SEMA6A: variants seen among roughly 807,000 people sequenced by gnomAD.
SEMA6A encodes semaphorin 6A, also known as semaphorin-6A.
Under a neutral mutation model 96.8 loss-of-function variants are expected in SEMA6A, and 25 were observed. The ratio of observed to expected loss-of-function variants is 0.26; its 90% confidence interval spans 0.19 to 0.36. The LOEUF is 0.36. SEMA6A is among the 10% of genes least tolerant of loss of function. The pLI is 1.00. For synonymous variants in SEMA6A, 612 were observed against 518.0 expected (o/e 1.18, Z -2.46); for missense variants, 1,363 against 1,323.1 (o/e 1.03, Z -0.47).
chr5:116,539,090 ATTC>A (rs1299671152), intron 1 of SEMA6A, among the ~76,000 whole-genome samples: 18 of 152,272 alleles, frequency 1.2e-4, no homozygotes, highest in African/African-American at 4.1e-4. Flanking sequence ...TCTACACCCT[ATTC>A]TTCTTATCTA....
At chr5:116,509,573 T>C (rs1223637109) in intron 1 of SEMA6A, among the ~76,000 whole-genome samples, 1 of 150,626 alleles carries the variant, frequency 6.6e-6, no homozygotes, top group Non-Finnish European at 1.5e-5. Flanking sequence ...TCTAAGGGAT[T>C]CTGCCCCAGT....
intron 11 of SEMA6A, among the ~76,000 whole-genome samples, chr5:116,480,889 T>C (rs1756726952): frequency 6.6e-6 from 1 of 152,206 alleles, no homozygotes; most frequent in Non-Finnish European, 1.5e-5. Flanking sequence ...TTTCTTGTCA[T>C]TGAATGACGA....
At chr5:116,555,116 C>T (rs1290464515) in intron 1 of SEMA6A, among the ~76,000 whole-genome samples, 6 of 152,170 alleles carry the variant, frequency 3.9e-5, no homozygotes, top group Non-Finnish European at 8.8e-5. Context: ...TCCAGAGACA[C>T]CCAGTCTCCA....
chr5:116,518,201 C>A (rs1758756422), intron 1 of SEMA6A, among the ~76,000 whole-genome samples: 1 of 152,098 alleles, frequency 6.6e-6, no homozygotes, highest in Non-Finnish European at 1.5e-5. Flanking sequence ...GACAGACTCT[C>A]CTATTCCTCT....
At chr5:116,450,491 C>G (rs1754556031) in intron 18 of SEMA6A, among the ~76,000 whole-genome samples, 1 of 152,164 alleles carries the variant, frequency 6.6e-6, no homozygotes, top group African/African-American at 2.4e-5. Flanking sequence ...TCACATGTAT[C>G]CATTGCTTCT....
chr5:116,472,939 T>C, intron 17 of SEMA6A, 134 bp downstream of exon 17: 2 of 1,526,314 alleles, frequency 1.3e-6, no homozygotes, highest in Non-Finnish European at 1.8e-6. Flanking sequence ...GAAATGTCTA[T>C]AAAAAAATGA....
intron 1 of SEMA6A, chr5:116,562,936 G>A: frequency 3.4e-6 from 2 of 584,812 alleles, no homozygotes; most frequent in African/African-American, 1.9e-5. Context: ...TATGAAGATG[G>A]GGTGGATAGA....
chr5:116,501,434 T>C (rs1046669966), intron 3 of SEMA6A, among the ~76,000 whole-genome samples: 1 of 152,142 alleles, frequency 6.6e-6, no homozygotes, highest in African/African-American at 2.4e-5. Context: ...CCTTCTGAAA[T>C]ATATATAATG....
At chr5:116,457,817 C>A (rs1250688386) in intron 18 of SEMA6A, among the ~76,000 whole-genome samples, 4 of 152,094 alleles carry the variant, frequency 2.6e-5, no homozygotes, top group Non-Finnish European at 5.9e-5. Context: ...TAGAGAAGCC[C>A]ATACACTTTG....
At chr5:116,536,866 T>TAA (rs72214884) in intron 1 of SEMA6A, among the ~76,000 whole-genome samples, 3,213 of 69,300 alleles carry the variant, frequency 0.046, 208 homozygotes, top group Non-Finnish European at 0.058. Flanking sequence ...TGTGATTTCT[T>TAA]AAAAAAAAAA....
chr5:116,560,207 C>G (rs1760766959), intron 1 of SEMA6A, among the ~76,000 whole-genome samples: 1 of 152,228 alleles, frequency 6.6e-6, no homozygotes, highest in Non-Finnish European at 1.5e-5. Flanking sequence ...AGCCTGACCT[C>G]CCAGCTGGAC....
chr5:116,545,487 T>C (rs1760148617), intron 1 of SEMA6A, among the ~76,000 whole-genome samples: 1 of 152,064 alleles, frequency 6.6e-6, no homozygotes, highest in South Asian at 2.1e-4. Context: ...GGAGAATTGC[T>C]TGAACCTGGG....
chr5:116,527,503 C>A lies in SEMA6A; in HGVS notation c.-38-22521G>T, dbSNP rs539610949. Among the ~76,000 whole-genome samples the A allele has an allele frequency of 2.0e-5, 3 of 152,064 alleles. No individual in the cohort carries two copies. The South Asian group carries it at 6.2e-4, about 32-fold the overall frequency. On this transcript the variant is annotated intron_variant, in intron 1 of 18. Transcript: ENST00000343348. ...CTTTCAAAACAATGATCTTTTATAC[C>A]CAATAAGCCATGAAAAGTTGAAAGT...
intron 18 of SEMA6A, among the ~76,000 whole-genome samples, chr5:116,467,225 T>G (rs1373232344): frequency 6.6e-6 from 1 of 152,160 alleles, no homozygotes; most frequent in Non-Finnish European, 1.5e-5. Context: ...AAGCCCGAAC[T>G]GCATTCCATC....
chr5:116,510,012 G>A (rs1464567809), intron 1 of SEMA6A, among the ~76,000 whole-genome samples: 1 of 152,106 alleles, frequency 6.6e-6, no homozygotes, highest in East Asian at 1.9e-4. Context: ...GCGTGTCAAT[G>A]TGTGGTACTG....
chr5:116,452,620 C>T (rs907797589), intron 18 of SEMA6A, among the ~76,000 whole-genome samples: 3 of 152,156 alleles, frequency 2.0e-5, no homozygotes, highest in Admixed American at 2.0e-4. Flanking sequence ...TCTGACTTTT[C>T]CTATGATGAC....
chr5:116,555,242 C>T (rs1472841922), intron 1 of SEMA6A, among the ~76,000 whole-genome samples: 1 of 152,208 alleles, frequency 6.6e-6, no homozygotes, highest in Non-Finnish European at 1.5e-5. Context: ...CTCTTGTTTG[C>T]TTGAGAGCTA....
Position 116,478,137 on chromosome 5 carries a change from A to C in SEMA6A, c.1445T>G (p.Val482Gly). The C allele has an allele frequency of 6.2e-7, 1 of 1,613,370 alleles. No individual in the cohort carries two copies. The highest frequency in any genetic ancestry group is 8.5e-7 in the Non-Finnish European group (1 of 1,179,758). The change falls in exon 14 of 19, where the codon GTC (valine) becomes GGC (glycine). Residue 482 changes from valine (V) to glycine (G), a missense_variant. Physicochemically the swap from Val to Gly is moderately radical, Grantham distance 109 (BLOSUM62 -3). This residue lies in a region of SEMA6A where 883 missense variants were observed against 763.6 expected (regional missense o/e 1.16). Transcript: ENST00000343348. Reference protein sequence around the residue: ...YNSEKCSYDGVEDKRIMGMQL... With the variant: ...YNSEKCSYDGGEDKRIMGMQL... ...CATGCCCATGATCCTTTTGTCTTCGACTCCATCATAGCTGCATCTAATTTC... is the reference window on the plus strand; with the variant it reads ...CATGCCCATGATCCTTTTGTCTTCGCCTCCATCATAGCTGCATCTAATTTC...
chr5:116,449,610 TTTTC>T (rs1345435796), intron 18 of SEMA6A: 1 of 427,562 alleles, frequency 2.3e-6, no homozygotes, highest in East Asian at 4.0e-5. Flanking sequence ...TACATTCTCT[TTTTC>T]TTTCCTTCCT....
Sources: gnomAD v4.1 joint callset for allele counts (sites outside exome capture counted in the v4.1 genomes callset) on GRCh38, gnomAD v4.1.1 for gene constraint, gnomAD v4.1.1 regional missense constraint, MANE v1.5 for transcripts, NCBI Gene and HGNC (gene_info 2026-07-23, HGNC 2026-07-21) for gene names.